The following SMAD1 variants were observed in gnomAD, a reference collection of about 807,000 sequenced individuals.
SMAD1 encodes the protein SMAD family member 1, also known as MAD, mothers against decapentaplegic homolog 1.
Under a neutral mutation model 41.6 loss-of-function variants are expected in SMAD1, and 6 were observed. The observed-to-expected ratio is 0.14, with a 90% CI of 0.08 to 0.28. SMAD1 has a LOEUF of 0.28. Ranked by LOEUF, SMAD1 falls within the 10% of genes least tolerant of loss-of-function variation. SMAD1 has a pLI of 1.00. For missense variants in SMAD1, 379 were observed against 582.6 expected (o/e 0.65, Z 3.60); for synonymous variants, 206 against 203.2 (o/e 1.01, Z -0.12).
chr4:145,515,401 G>A (rs1730327882), intron 2 of SMAD1, among the ~76,000 whole-genome samples: 1 of 151,950 alleles, frequency 6.6e-6, no homozygotes, highest in Admixed American at 6.6e-5. Flanking sequence ...GTATTCTAAG[G>A]GAAGAAAATT....
rs1728256153 is a variant in SMAD1 at position 145,482,665 on chromosome 4, T to C, written c.-177+627T>C. The stretch of plus-strand genomic sequence containing the variant: ...CCAGCAAGCCTCTTTGGGGTCGAGG[T>C]CAAGGAAAGTTCGCACCGAGATCCC... On this transcript the variant is annotated intron_variant, in intron 1 of 6. Coordinates refer to ENST00000302085, the MANE Select transcript of SMAD1 (RefSeq NM_005900.3). The surrounding 1 kb of genome is among the most constrained non-coding windows in gnomAD (Gnocchi z 4.2). 1 of 151,916 alleles carries C rather than the reference T, an allele frequency of 6.6e-6. No individual in the cohort carries two copies. Among genetic ancestry groups the C allele is most frequent in the Non-Finnish European group, 1.5e-5 (1 of 67,962 alleles). The allele number at this position is 151,916 out of a possible 1,614,324, so 9.4% of individuals were successfully genotyped here. A position where few individuals can be genotyped will look rare whatever the true frequency, so the allele number is the denominator to read the frequency against.
intron 2 of SMAD1, among the ~76,000 whole-genome samples, chr4:145,519,867 T>G (rs754874587): frequency 4.6e-5 from 7 of 152,174 alleles, no homozygotes; most frequent in Non-Finnish European, 8.8e-5. Flanking sequence ...TGAGTCTATT[T>G]TAGATTCCAC....
intron 1 of SMAD1, among the ~76,000 whole-genome samples, chr4:145,498,471 A>G (rs1316564239): frequency 3.3e-5 from 5 of 152,144 alleles, no homozygotes; most frequent in African/African-American, 4.8e-5. Flanking sequence ...GCCATGTAGA[A>G]ATAACTCTCT....
chr4:145,529,443 G>A (rs573243553), intron 2 of SMAD1, among the ~76,000 whole-genome samples: 1 of 152,306 alleles, frequency 6.6e-6, no homozygotes, highest in South Asian at 2.1e-4. Flanking sequence ...TTGATTCTCA[G>A]AGTGCTGTTA....
intron 1 of SMAD1, among the ~76,000 whole-genome samples, chr4:145,485,620 C>A (rs1340944975): frequency 2.0e-5 from 3 of 152,134 alleles, no homozygotes; most frequent in Non-Finnish European, 4.4e-5. Flanking sequence ...CATATATAAA[C>A]TAATTTTATC....
intron 1 of SMAD1, among the ~76,000 whole-genome samples, chr4:145,499,776 C>T (rs947039711): frequency 1.3e-5 from 2 of 152,080 alleles, no homozygotes; most frequent in Non-Finnish European, 2.9e-5. Context: ...CATCTGGTCC[C>T]AAGCATTTCA....
intron 1 of SMAD1, among the ~76,000 whole-genome samples, chr4:145,506,697 A>C (rs1229676103): frequency 6.6e-6 from 1 of 152,088 alleles, no homozygotes; most frequent in South Asian, 2.1e-4. Flanking sequence ...ATTAAAAAAA[A>C]ACTTTCTGTG....
intron 2 of SMAD1, among the ~76,000 whole-genome samples, chr4:145,526,104 G>A (rs562333526): frequency 1.3e-3 from 201 of 152,314 alleles, no homozygotes; most frequent in Middle Eastern, 6.8e-3. Context: ...GTGGCCTGGC[G>A]TGGTCTGGCT....
At chr4:145,526,764 T>C (rs1328353762) in intron 2 of SMAD1, among the ~76,000 whole-genome samples, 1 of 152,110 alleles carries the variant, frequency 6.6e-6, no homozygotes, top group Non-Finnish European at 1.5e-5. Flanking sequence ...TTCTGGACAA[T>C]AAGGCCATTT....
rs545739502 is a variant in SMAD1, at chr4:145,553,097, G to A, written c.998-687G>A. On this transcript the variant is annotated intron_variant, in intron 5 of 6. Coordinates refer to ENST00000302085, the MANE Select transcript of SMAD1 (RefSeq NM_005900.3). ...TTTTTGTATTTTTTTTTTTTTTTGT[G>A]GAGATGGGGTTTCACCGTGCTGCCC... 3.9e-3 allele frequency among the ~76,000 whole-genome samples: 526 copies of A among 135,486 alleles called. 2 individuals carry two copies. Among genetic ancestry groups the A allele is most frequent in the African/African-American group, 0.014 (512 of 35,818 alleles). The allele number at this position is 135,486 out of a possible 152,430, so 88.9% of individuals were successfully genotyped here.
At chr4:145,550,386 G>A (rs911091006) in intron 5 of SMAD1, among the ~76,000 whole-genome samples, 9 of 152,090 alleles carry the variant, frequency 5.9e-5, no homozygotes, top group South Asian at 2.1e-4. Context: ...GGTGGCACAC[G>A]CCTGTAATCC....
At chr4:145,484,702 CAG>C (rs1240038554) in intron 1 of SMAD1, 1 of 152,188 alleles carries the variant, frequency 6.6e-6, no homozygotes, top group Non-Finnish European at 1.5e-5. Context: ...AGAGGAGAAA[CAG>C]ATGCTTTAGG....
At chr4:145,497,628 A>G (rs1016637696) in intron 1 of SMAD1, 3 of 152,214 alleles carry the variant, frequency 2.0e-5, no homozygotes, top group Non-Finnish European at 2.9e-5. Context: ...TCTTCTGAGA[A>G]TATTGTCTTG....
chr4:145,519,400 CT>C lies in SMAD1; in HGVS notation c.400+4398del, dbSNP rs1163244807. ...CGTGAGCCACTGAGCCCAGCTGAAC[CT>C]TTTTTTTTTTCACCATACTAATTTC... On this transcript the variant is annotated intron_variant, in intron 2 of 6. Coordinates refer to ENST00000302085, the MANE Select transcript of SMAD1 (RefSeq NM_005900.3). Among the ~76,000 whole-genome samples, 322 of 67,112 alleles carry C rather than the reference CT, an allele frequency of 4.8e-3. 1 individual carries two copies. The highest frequency in any genetic ancestry group is 9.4e-3 in the African/African-American group (281 of 30,016). 44.0% of individuals were successfully genotyped at this position (67,112 alleles called of 152,430 possible).
At chr4:145,490,466 T>TG (rs769965717) in intron 1 of SMAD1, among the ~76,000 whole-genome samples, 1 of 152,008 alleles carries the variant, frequency 6.6e-6, no homozygotes, top group Non-Finnish European at 1.5e-5. Flanking sequence ...TCTAAACAAT[T>TG]GGGGGGAAAC....
chr4:145,497,339 C>T (rs910061680), intron 1 of SMAD1: 1 of 152,178 alleles, frequency 6.6e-6, no homozygotes, highest in Non-Finnish European at 1.5e-5. Context: ...GTCGCTCTGT[C>T]TGCACGTATG....
intron 6 of SMAD1, among the ~76,000 whole-genome samples, chr4:145,556,383 T>TACATAG (rs1732835933): frequency 1.3e-5 from 2 of 152,184 alleles, no homozygotes; most frequent in Non-Finnish European, 1.5e-5. Context: ...TACATACATC[T>TACATAG]ATGTAGATAT....
intron 4 of SMAD1, chr4:145,545,548 TG>T (rs1485813800): frequency 1.5e-4 from 1 of 6,638 alleles, no homozygotes; most frequent in Non-Finnish European, 3.2e-4. Flanking sequence ...GTATTTTCCT[TG>T]TTTTTTTTTT....
chr4:145,511,456 G>C (rs1290524808), intron 1 of SMAD1, among the ~76,000 whole-genome samples: 2 of 152,102 alleles, frequency 1.3e-5, no homozygotes, highest in African/African-American at 2.4e-5. Flanking sequence ...ACTTTTTGTA[G>C]AGATAGGGTC....
Sources: gnomAD v4.1 joint callset for allele counts (sites outside exome capture counted in the v4.1 genomes callset) on GRCh38, gnomAD v4.1.1 for gene constraint, Gnocchi (gnomAD v3.1) non-coding constraint, MANE v1.5 for transcripts, NCBI Gene and HGNC (gene_info 2026-07-23, HGNC 2026-07-21) for gene names.